ERCC6: variants seen among roughly 807,000 people sequenced by gnomAD.
ERCC6 encodes DNA excision repair protein ERCC-6.
In ERCC6, 116 loss-of-function variants were observed where a neutral mutation model predicts 158.7. The observed-to-expected ratio is 0.73, with a 90% CI of 0.63 to 0.85. ERCC6 has a LOEUF of 0.85. Ranked by LOEUF, ERCC6 falls within the 40% of genes least tolerant of loss-of-function variation. The pLI, the probability that ERCC6 is intolerant of heterozygous loss-of-function variation, is 0.00. For synonymous variants in ERCC6, 678 were observed against 659.3 expected, an observed-to-expected ratio of 1.03 and a Z score of -0.43; for missense variants, 1,698 against 1,799.4, an observed-to-expected ratio of 0.94 and a Z score of 1.02.
At chr10:49,467,186 G>A (rs532630883) in intron 18 of ERCC6, among the ~76,000 whole-genome samples, 9 of 152,272 alleles carry the variant, frequency 5.9e-5, no homozygotes, top group Non-Finnish European at 8.8e-5. Flanking sequence ...AAGCTGCTAC[G>A]AATATTCATG....
chr10:49,539,241 C>T (rs1318975038), upstream of ERCC6, among the ~76,000 whole-genome samples: 1 of 152,278 alleles, frequency 6.6e-6, no homozygotes, highest in Admixed American at 6.5e-5. Context: ...GTCTCCGCTG[C>T]CGGTCAGCTG....
chr10:49,438,916 C>T, the ERCC6 span, among the ~76,000 whole-genome samples: 14 of 152,354 alleles, frequency 9.2e-5, no homozygotes, highest in African/African-American at 3.4e-4. Context: ...CCAAGTCTCA[C>T]ATCTAGGTCA....
Position 49,493,165 on chromosome 10 carries a change from C to A in ERCC6, c.1773G>T (p.Pro591=), listed in dbSNP as rs369030114. The change falls in exon 8 of 21, where the codon CCG becomes CCT. Residue 591 remains proline, a synonymous_variant. Transcript: ENST00000355832. The stretch of plus-strand genomic sequence containing the variant: ...TTTCATGTAGAATTGCCACTCTGAA[C>A]GGAGGCCACCACGTGTGAAATTCCT... ...WVKEFHTWWP[P]FRVAILHETG... 6.2e-7 allele frequency: 1 copy of A among 1,613,940 alleles called. No homozygotes were observed.
At position 49,456,267 on chromosome 10, in the gene ERCC6, G is replaced by C. The variant is rs1314612765; in HGVS notation, c.*2548C>G. ...ATCACTTCCATCTCTTGAGATGCCAGGTCACTACTGAAGCTCCCATTGGCC... is the reference window on the plus strand; with the variant it reads ...ATCACTTCCATCTCTTGAGATGCCACGTCACTACTGAAGCTCCCATTGGCC... On this transcript the variant is annotated 3_prime_UTR_variant, in exon 21 of 21. Coordinates refer to ENST00000355832, the MANE Select transcript of ERCC6 (RefSeq NM_000124.4). 1 of 152,176 alleles carries C rather than the reference G, an allele frequency of 6.6e-6. No individual in the cohort carries two copies. Among genetic ancestry groups the C allele is most frequent in the African/African-American group, 2.4e-5 (1 of 41,418 alleles). 9.4% of individuals were successfully genotyped at this position (152,176 alleles called of 1,614,324 possible).
rs562722427 is a variant in ERCC6, at chr10:49,493,896, C to A, written c.1686-644G>T. Among the ~76,000 whole-genome samples, 3 of 152,326 alleles carry A rather than the reference C, an allele frequency of 2.0e-5. No homozygotes were observed. In the East Asian group the frequency reaches 5.8e-4, roughly 29 times the overall value. Reference sequence around the variant, plus strand: ...GGAGGAGCATCCGAGCGAGTGTTCTCTCCTGGGAAGCCCACACCGACAGTG... The same window carrying A: ...GGAGGAGCATCCGAGCGAGTGTTCTATCCTGGGAAGCCCACACCGACAGTG... On this transcript the variant is annotated intron_variant, in intron 7 of 20. Coordinates refer to ENST00000355832, the MANE Select transcript of ERCC6 (RefSeq NM_000124.4).
At chr10:49,447,966 C>T in the ERCC6 span, among the ~76,000 whole-genome samples, 1 of 152,152 alleles carries the variant, frequency 6.6e-6, no homozygotes, top group Non-Finnish European at 1.5e-5. Flanking sequence ...ACTGTGTCCA[C>T]ATTTTGACCA....
chr10:49,473,345 A>G (rs982554985), intron 14 of ERCC6, 132 bp downstream of exon 14: 6 of 783,952 alleles, frequency 7.7e-6, no homozygotes, highest in Middle Eastern at 2.8e-4. Context: ...AAAAACAACA[A>G]GTCTCCCCTT....
At chr10:49,487,714 G>T (rs1314321767) in intron 8 of ERCC6, among the ~76,000 whole-genome samples, 1 of 152,148 alleles carries the variant, frequency 6.6e-6, no homozygotes, top group Non-Finnish European at 1.5e-5. Context: ...CTGGAATGAT[G>T]TTTAGTTTCT....
chr10:49,445,802 A>C, the ERCC6 span, among the ~76,000 whole-genome samples: 4 of 152,336 alleles, frequency 2.6e-5, no homozygotes, highest in African/African-American at 9.6e-5. Flanking sequence ...TGAAATACAG[A>C]AGTTTGGATT....
At chr10:49,524,853 A>G in intron 4 of ERCC6, 76 bp from the exon 5 acceptor site, 1 of 1,577,890 alleles carries the variant, frequency 6.3e-7, no homozygotes, top group South Asian at 1.1e-5. Context: ...TCACTCTTTC[A>G]AGAAATATTA....
Position 49,456,712 on chromosome 10 carries a change from C to T in ERCC6, c.*2103G>A. 6.6e-6 allele frequency: 1 copy of T among 152,254 alleles called. No individual in the cohort carries two copies. Among genetic ancestry groups the T allele is most frequent in the East Asian group, 1.9e-4 (1 of 5,186 alleles). The allele number at this position is 152,254 out of a possible 1,614,324, so 9.4% of individuals were successfully genotyped here. On this transcript the variant is annotated 3_prime_UTR_variant, in exon 21 of 21. Coordinates refer to ENST00000355832, the MANE Select transcript of ERCC6 (RefSeq NM_000124.4). Reference sequence around the variant, plus strand: ...ATAAAGCATGTTAAATACATTAAATCTATTTACACTGTACAAAGCTTTTAA... The same window carrying T: ...ATAAAGCATGTTAAATACATTAAATTTATTTACACTGTACAAAGCTTTTAA...
intron 7 of ERCC6, among the ~76,000 whole-genome samples, chr10:49,493,931 G>T (rs4240507): frequency 0.63 from 96,316 of 152,160 alleles, 32,449 homozygotes; most frequent in South Asian, 0.81. Flanking sequence ...GTACAAGCTG[G>T]CACTGCTGTG....
At position 49,482,860 on chromosome 10, in the gene ERCC6, G is replaced by A. The variant is rs61760163; in HGVS notation, c.1996C>T (p.Arg666Cys). 2.2e-3 allele frequency: 3,545 copies of A among 1,613,958 alleles called. 4 individuals carry two copies. Among genetic ancestry groups the A allele is most frequent in the Admixed American group, 2.8e-3 (168 of 60,022 alleles). Residue 666 changes from arginine to cysteine, a missense_variant, in exon 10 of 21, where the codon CGC (arginine) becomes TGC (cysteine). Coordinates refer to ENST00000355832, the MANE Select transcript of ERCC6 (RefSeq NM_000124.4). ...GACAGAATGATCCGATGAGGGGTGCGAAACTATTTGAGGAAAGGAAGCACC... is the reference window on the plus strand; with the variant it reads ...GACAGAATGATCCGATGAGGGGTGCAAAACTATTTGAGGAAAGGAAGCACC... ...AAVTLACKQFRTPHRIILSGS... is the reference protein window; with the variant it reads ...AAVTLACKQFCTPHRIILSGS...
chr10:49,516,772 T>C (rs757222408), intron 5 of ERCC6: 3 of 1,614,180 alleles, frequency 1.9e-6, no homozygotes, highest in East Asian at 2.2e-5. Context: ...TCGGCTTTTT[T>C]CCATTTGCAA....
At chr10:49,516,922 T>C in intron 5 of ERCC6, 1 of 1,614,100 alleles carries the variant, frequency 6.2e-7, no homozygotes, top group Non-Finnish European at 8.5e-7. Flanking sequence ...CCATCTTGAA[T>C]AAGATACGCA....
intron 19 of ERCC6, 84 bp downstream of exon 19, chr10:49,461,268 A>G (rs1850576845): frequency 1.5e-6 from 2 of 1,339,036 alleles, no homozygotes; most frequent in Non-Finnish European, 2.1e-6. Context: ...AAATAACAGT[A>G]TAAGCCTCCA....
intron 18 of ERCC6, among the ~76,000 whole-genome samples, chr10:49,463,322 T>G (rs1416789827): frequency 6.6e-6 from 1 of 152,224 alleles, no homozygotes; most frequent in Non-Finnish European, 1.5e-5. Context: ...TGTGGAATTT[T>G]CCACATCTGG....
At chr10:49,440,397 C>T in the ERCC6 span, among the ~76,000 whole-genome samples, 1 of 152,180 alleles carries the variant, frequency 6.6e-6, no homozygotes, top group Non-Finnish European at 1.5e-5. Flanking sequence ...GACCGGCCCT[C>T]ATGATTCAAT....
At chr10:49,531,526 C>G (rs1454073895) in intron 2 of ERCC6, among the ~76,000 whole-genome samples, 3 of 152,178 alleles carry the variant, frequency 2.0e-5, no homozygotes, top group African/African-American at 4.8e-5. Flanking sequence ...TGCCACCAGC[C>G]ATCTAGCATC....
Sources: allele counts gnomAD v4.1 joint callset (sites outside exome capture counted in the v4.1 genomes callset), GRCh38; gene constraint gnomAD v4.1.1; transcripts MANE v1.5; gene names NCBI Gene and HGNC (gene_info 2026-07-23, HGNC 2026-07-21).